INTS9: variants seen among roughly 807,000 people sequenced by gnomAD.
The protein encoded by INTS9 is integrator complex subunit 9, also known as protein related to CPSF subunits of 74 kDa.
INTS9 carries 55 observed loss-of-function variants against 79.7 expected under a neutral mutation model. The ratio of observed to expected loss-of-function variants is 0.69; its 90% CI spans 0.56 to 0.86. INTS9 has a LOEUF of 0.86. Ranked by LOEUF, INTS9 falls within the 40% of genes least tolerant of loss-of-function variation. The probability of loss-of-function intolerance (pLI) is 0.00; values close to 1 mark genes in which losing one functional copy is unlikely to be tolerated. For synonymous variants in INTS9, 319 were observed against 325.2 expected, an observed-to-expected ratio of 0.98 and a Z score of 0.20; for missense variants, 721 against 831.5, an observed-to-expected ratio of 0.87 and a Z score of 1.64.
chr8:28,850,323 T>G (rs1289578131), intron 2 of INTS9, 50 bp from the exon 3 acceptor site: 1 of 1,437,022 alleles, frequency 7.0e-7, no homozygotes, highest in Admixed American at 1.7e-5. Context: ...ATTATAATCC[T>G]CAATGACTTC....
chr8:28,777,785 A>T, intron 13 of INTS9, 44 bp downstream of exon 13: 1 of 1,557,362 alleles, frequency 6.4e-7, no homozygotes. Flanking sequence ...AGCCACACCA[A>T]GGTGACATGA....
In INTS9 at chr8:28,819,080, T is replaced by C. The variant is rs1805673701; in HGVS notation, c.489-5468A>G. Among the ~76,000 whole-genome samples, 3 of 152,234 alleles carry C rather than the reference T, an allele frequency of 2.0e-5. No homozygotes were observed. In the South Asian group the frequency reaches 6.2e-4, roughly 31 times the overall value. ...TAGTCTTGCTAGCAGTCTATCAATT[T>C]TGTTGATCCTTTCAAAAAACCAGCT... On this transcript the variant is annotated intron_variant, in intron 6 of 16. Transcript: ENST00000521022.
In INTS9 at chr8:28,796,695, G is replaced by A. The variant is rs74982893; in HGVS notation, c.745-40C>T. On this transcript the variant is annotated intron_variant, in intron 8 of 16. Coordinates refer to ENST00000521022, the MANE Select transcript of INTS9 (RefSeq NM_018250.4). ...AGAAATATGGTTAGTAATTTTAAAA[G>A]GAACATTACCTACAAATAGTGAAAG... 2,321 of 1,210,856 alleles carry A rather than the reference G, an allele frequency of 1.9e-3. 34 individuals are homozygous for A. In the African/African-American group the frequency reaches 0.032, roughly 16 times the overall value. The allele number at this position is 1,210,856 out of a possible 1,614,324, so 75.0% of individuals were successfully genotyped here. A position where few individuals can be genotyped will look rare whatever the true frequency, so the allele number is the denominator to read the frequency against.
chr8:28,860,190 G>A (rs897796359), intron 1 of INTS9, among the ~76,000 whole-genome samples: 6 of 152,182 alleles, frequency 3.9e-5, no homozygotes, highest in African/African-American at 1.4e-4. Context: ...GAGCTCAGAA[G>A]TCAAAGGGGC....
intron 9 of INTS9, among the ~76,000 whole-genome samples, chr8:28,794,763 T>G (rs775365742): frequency 2.6e-5 from 4 of 152,234 alleles, no homozygotes; most frequent in Non-Finnish European, 4.4e-5. Flanking sequence ...TCTGGAAGTC[T>G]CCTTTCCCCA....
intron 14 of INTS9, among the ~76,000 whole-genome samples, chr8:28,772,989 C>T (rs1364522758): frequency 6.6e-6 from 1 of 152,202 alleles, no homozygotes; most frequent in Admixed American, 6.5e-5. Flanking sequence ...CACACTCATT[C>T]TAGAGGACAA....
At chr8:28,879,235 A>G (rs952816721) in intron 1 of INTS9, among the ~76,000 whole-genome samples, 1 of 152,232 alleles carries the variant, frequency 6.6e-6, no homozygotes, top group East Asian at 1.9e-4. Flanking sequence ...CACCATGATC[A>G]AGTGGAATTT....
intron 6 of INTS9, among the ~76,000 whole-genome samples, chr8:28,817,623 G>A (rs2131079063): frequency 6.6e-6 from 1 of 152,268 alleles, no homozygotes; most frequent in African/African-American, 2.4e-5. Flanking sequence ...GCTTAGGACT[G>A]ACTTGGTGAT....
intron 9 of INTS9, 93 bp from the exon 10 acceptor site, chr8:28,794,080 C>A: frequency 9.4e-7 from 1 of 1,061,716 alleles, no homozygotes; most frequent in Admixed American, 3.0e-5. Context: ...CACTTGTTTT[C>A]CTACTTCTGT....
rs1252705379 is a variant in INTS9, at chr8:28,779,235, G to A, written c.1271-1282C>T. On this transcript the variant is annotated intron_variant, in intron 12 of 16. Coordinates refer to ENST00000521022, the MANE Select transcript of INTS9 (RefSeq NM_018250.4). ...AATCTTGGCAGCTATGAAGTTCTGG[G>A]TGTTGTCAATCAATATCTTGTGGCC... Among the ~76,000 whole-genome samples, 3 of 152,142 alleles carry A rather than the reference G, an allele frequency of 2.0e-5. No individual in the cohort carries two copies. In the East Asian group the frequency reaches 5.8e-4, roughly 29 times the overall value.
chr8:28,838,522 G>A (rs1003027733), intron 4 of INTS9, among the ~76,000 whole-genome samples: 3 of 152,072 alleles, frequency 2.0e-5, no homozygotes, highest in African/African-American at 7.2e-5. Flanking sequence ...CTGTCAAGAC[G>A]CAATTCTCTT....
Position 28,780,940 on chromosome 8 carries a change from T to G in INTS9, c.1153A>C (p.Asn385His), listed in dbSNP as rs760766584. 6.2e-7 allele frequency: 1 copy of G among 1,614,196 alleles called. No individual in the cohort carries two copies. Residue 385 changes from asparagine to histidine, a missense_variant, in exon 12 of 17, where the codon AAC becomes CAC. Physicochemically the swap from Asn to His is moderately conservative, Grantham distance 68 (BLOSUM62 1). This residue lies in a region of INTS9 where 149 missense variants were observed against 223.7 expected (regional missense o/e 0.67). Transcript: ENST00000521022. ...ACCACACAGGGCTGTCTAAAGTCGT[T>G]GCTGAAGTCTCCGTGGATGCTGGGG... ...HYPSIHGDFS[N>H]DFRQPCVVFT...
Position 28,782,870 on chromosome 8 carries a change from A to C in INTS9, c.1099-1876T>G, listed in dbSNP as rs924488772. Among the ~76,000 whole-genome samples, 6 of 152,328 alleles carry C rather than the reference A, an allele frequency of 3.9e-5. No individual in the cohort carries two copies. The East Asian group carries it at 9.6e-4, about 24-fold the overall frequency. ...GTAACTGAGACCCTGTCACTAAAAA[A>C]AACACATACACACACAAAAAAACCC... On this transcript the variant is annotated intron_variant, in intron 11 of 16. Coordinates refer to ENST00000521022, the MANE Select transcript of INTS9 (RefSeq NM_018250.4).
At chr8:28,771,777 T>C (rs893059756) in intron 14 of INTS9, among the ~76,000 whole-genome samples, 1 of 152,174 alleles carries the variant, frequency 6.6e-6, no homozygotes. Context: ...CCCTCCTCCC[T>C]GCACAAGGCT....
At chr8:28,822,561 A>C (rs1805899923) in intron 6 of INTS9, among the ~76,000 whole-genome samples, 2 of 152,202 alleles carry the variant, frequency 1.3e-5, no homozygotes. Context: ...CCTGTTCTAA[A>C]TTGAAAGGGC....
At chr8:28,822,867 A>G (rs1259889410) in intron 6 of INTS9, among the ~76,000 whole-genome samples, 1 of 151,960 alleles carries the variant, frequency 6.6e-6, no homozygotes, top group Non-Finnish European at 1.5e-5. Flanking sequence ...CACCCCACAC[A>G]CTTCCCACAC....
At chr8:28,865,693 A>G (rs1442179606) in intron 1 of INTS9, among the ~76,000 whole-genome samples, 3 of 152,172 alleles carry the variant, frequency 2.0e-5, no homozygotes, top group African/African-American at 7.2e-5. Context: ...AGCTGCTATT[A>G]AAATATTCTC....
chr8:28,841,158 T>C (rs775926489), intron 4 of INTS9, among the ~76,000 whole-genome samples: 4 of 152,188 alleles, frequency 2.6e-5, no homozygotes, highest in Non-Finnish European at 5.9e-5. Context: ...TACTGCCATC[T>C]GTGTGAACAC....
At chr8:28,794,644 G>T (rs548973476) in intron 9 of INTS9, among the ~76,000 whole-genome samples, 4 of 152,292 alleles carry the variant, frequency 2.6e-5, no homozygotes, top group Admixed American at 2.6e-4. Flanking sequence ...ACCTTCCTTG[G>T]CCTCAGTTTC....
Sources: allele counts gnomAD v4.1 joint callset (sites outside exome capture counted in the v4.1 genomes callset), GRCh38; gene constraint gnomAD v4.1.1; regional missense constraint gnomAD v4.1.1; transcripts MANE v1.5; gene names NCBI Gene and HGNC (gene_info 2026-07-23, HGNC 2026-07-21).